Variants in CPNE4 observed in about 807,000 individuals in gnomAD.
CPNE4 encodes copine 4.
In CPNE4, 25 loss-of-function variants were observed where a neutral mutation model predicts 67.9. That is an observed-to-expected ratio of 0.37 (90% CI 0.27 to 0.51). The LOEUF is 0.51. CPNE4 is among the 20% of genes least tolerant of loss of function. The pLI is 0.93. For synonymous variants in CPNE4, 242 were observed against 244.9 expected (o/e 0.99, Z 0.11); for missense variants, 464 against 690.8 (o/e 0.67, Z 3.68).
In CPNE4 at chr3:131,716,282, T is replaced by C. The variant is rs77886293; in HGVS notation, c.360+7164A>G. Among the ~76,000 whole-genome samples the C allele has an allele frequency of 5.4e-3, 825 of 152,090 alleles. 6 individuals carry two copies. The highest frequency in any genetic ancestry group is 0.017 in the African/African-American group (690 of 41,488). On this transcript the variant is annotated intron_variant, in intron 3 of 15. Coordinates refer to ENST00000429747, the MANE Select transcript of CPNE4 (RefSeq NM_130808.3). ...TGAATGTGTGAGTTCCTGTGTGGCT[T>C]TGGGGAAGTCACTTTATCTTTCCTT... is the stretch of plus-strand genomic sequence containing the variant.
intron 1 of CPNE4, among the ~76,000 whole-genome samples, chr3:132,003,297 T>G (rs906305312): frequency 6.6e-6 from 1 of 152,072 alleles, no homozygotes; most frequent in African/African-American, 2.4e-5. Flanking sequence ...ACAGGGTTAT[T>G]TGTCACAGAG....
At chr3:131,667,648 C>T (rs1458520685) in intron 7 of CPNE4, among the ~76,000 whole-genome samples, 1 of 151,484 alleles carries the variant, frequency 6.6e-6, no homozygotes, top group Non-Finnish European at 1.5e-5. Context: ...TCCTTCTTTT[C>T]CTCTATTCTT....
chr3:131,903,685 T>C (rs769634261), intron 2 of CPNE4, among the ~76,000 whole-genome samples: 3 of 152,132 alleles, frequency 2.0e-5, no homozygotes, highest in Non-Finnish European at 2.9e-5. Context: ...TCCTTGCCTG[T>C]AAAATGGGGA....
intron 1 of CPNE4, among the ~76,000 whole-genome samples, chr3:131,951,537 T>G (rs1211545901): frequency 2.0e-5 from 3 of 151,942 alleles, no homozygotes; most frequent in African/African-American, 7.3e-5. Context: ...CTTCACCCTC[T>G]CCCCACAGTC....
At chr3:131,944,967 G>T (rs1014952322) in intron 1 of CPNE4, among the ~76,000 whole-genome samples, 8 of 152,170 alleles carry the variant, frequency 5.3e-5, no homozygotes, top group Non-Finnish European at 1.2e-4. Context: ...TGTTCATGCA[G>T]TCCCTAGTTC....
At chr3:131,998,370 T>G (rs960815704) in intron 1 of CPNE4, among the ~76,000 whole-genome samples, 1 of 152,098 alleles carries the variant, frequency 6.6e-6, no homozygotes, top group Non-Finnish European at 1.5e-5. Context: ...ACCAGAAAAC[T>G]AATCTACAGG....
chr3:131,801,420 G>GGA, intron 2 of CPNE4, among the ~76,000 whole-genome samples: 1 of 75,642 alleles, frequency 1.3e-5, no homozygotes, highest in African/African-American at 5.5e-5. Context: ...ATATACGTGT[G>GGA]TGTGTGTGTG....
chr3:131,665,416 T>C (rs1391713998), intron 7 of CPNE4, among the ~76,000 whole-genome samples: 2 of 152,132 alleles, frequency 1.3e-5, no homozygotes, highest in African/African-American at 4.8e-5. Flanking sequence ...CCCAGCACTT[T>C]GGGAGACCAT....
chr3:131,696,493 G>T (rs755766472), intron 5 of CPNE4, 49 bp downstream of exon 5: 1 of 1,525,226 alleles, frequency 6.6e-7, no homozygotes, highest in Non-Finnish European at 9.1e-7. Context: ...ATTAAACTGT[G>T]TGCTAGCTTT....
At chr3:131,621,244 C>A (rs1041832184) in intron 7 of CPNE4, among the ~76,000 whole-genome samples, 2 of 152,044 alleles carry the variant, frequency 1.3e-5, no homozygotes, top group Admixed American at 1.3e-4. Context: ...TGGTCATTTA[C>A]TCTTTTTTTA....
chr3:131,915,731 G>T lies in CPNE4; in HGVS notation c.-1-10287C>A, dbSNP rs554633316. ...GAACTTTATAATTTGAGACAACGGA[G>T]AGACCAAAAGAAAAAATCTAGCAGA... On this transcript the variant is annotated intron_variant, in intron 1 of 15. Transcript: ENST00000429747. Among the ~76,000 whole-genome samples, 17 of 152,172 alleles carry T rather than the reference G, an allele frequency of 1.1e-4. No individual in the cohort carries two copies. The East Asian group carries it at 3.3e-3, about 29-fold the overall frequency.
At chr3:132,027,407 C>T (rs2074135842) in intron 1 of CPNE4, among the ~76,000 whole-genome samples, 1 of 152,138 alleles carries the variant, frequency 6.6e-6, no homozygotes, top group Non-Finnish European at 1.5e-5. Context: ...CCATAAGAGG[C>T]ATTTATTTTC....
At chr3:131,908,332 A>C (rs950597317) in intron 1 of CPNE4, among the ~76,000 whole-genome samples, 1 of 152,324 alleles carries the variant, frequency 6.6e-6, no homozygotes, top group East Asian at 1.9e-4. Context: ...GTATACAGAA[A>C]ATGAAATTTA....
chr3:131,972,889 C>T (rs1011569734), intron 1 of CPNE4, among the ~76,000 whole-genome samples: 7 of 152,158 alleles, frequency 4.6e-5, no homozygotes, highest in African/African-American at 1.4e-4. Context: ...AGTCTCAAAG[C>T]GTGGCAACAA....
intron 11 of CPNE4, among the ~76,000 whole-genome samples, chr3:131,556,099 T>G (rs1488513872): frequency 6.6e-6 from 1 of 151,936 alleles, no homozygotes; most frequent in African/African-American, 2.4e-5. Flanking sequence ...TGGGGCCAGG[T>G]GCAGTGGCTC....
chr3:131,672,592 T>C (rs2080447909), intron 6 of CPNE4, among the ~76,000 whole-genome samples: 1 of 152,152 alleles, frequency 6.6e-6, no homozygotes, highest in Non-Finnish European at 1.5e-5. Flanking sequence ...TCAATGATGT[T>C]GAGCACCTTT....
At chr3:131,754,257 G>C (rs1266421855) in intron 2 of CPNE4, among the ~76,000 whole-genome samples, 6 of 151,662 alleles carry the variant, frequency 4.0e-5, no homozygotes, top group Non-Finnish European at 7.4e-5. Context: ...ATCTATATAA[G>C]ATTACATGGG....
chr3:132,033,116 T>G (rs1053824995), intron 1 of CPNE4, among the ~76,000 whole-genome samples: 4 of 152,246 alleles, frequency 2.6e-5, no homozygotes, highest in African/African-American at 9.6e-5. Flanking sequence ...TTAAGGTAAT[T>G]GTGTACGCCT....
intron 2 of CPNE4, among the ~76,000 whole-genome samples, chr3:131,728,420 T>C (rs746022883): frequency 1.3e-5 from 2 of 152,230 alleles, no homozygotes; most frequent in Non-Finnish European, 2.9e-5. Flanking sequence ...ACCTCTATGC[T>C]ATATAGTTAT....
Sources: allele counts gnomAD v4.1 joint callset (sites outside exome capture counted in the v4.1 genomes callset), GRCh38; gene constraint gnomAD v4.1.1; transcripts MANE v1.5; gene names NCBI Gene and HGNC (gene_info 2026-07-23, HGNC 2026-07-21).